The following CPNE4 variants were observed in gnomAD, a reference collection of about 807,000 sequenced individuals.
The protein encoded by CPNE4 is copine-4.
A neutral mutation model predicts 67.9 loss-of-function variants in CPNE4; 25 were observed. The observed-to-expected ratio is 0.37, with a 90% CI of 0.27 to 0.51. The LOEUF (loss-of-function observed/expected upper bound fraction) is 0.51. Ranked by LOEUF, CPNE4 falls within the 20% of genes least tolerant of loss-of-function variation. CPNE4 has a pLI of 0.93. For synonymous variants in CPNE4, 242 were observed against 244.9 expected, an observed-to-expected ratio of 0.99 and a Z score of 0.11; for missense variants, 464 against 690.8, an observed-to-expected ratio of 0.67 and a Z score of 3.68.
chr3:131,876,187 C>T (rs2087437325), intron 2 of CPNE4, among the ~76,000 whole-genome samples: 2 of 151,160 alleles, frequency 1.3e-5, no homozygotes, highest in African/African-American at 4.9e-5. Flanking sequence ...TACAGTGAGC[C>T]GAGATGGCAC....
At chr3:131,910,519 GGTCTCAGCTGGA>G (rs2088937737) in intron 1 of CPNE4, among the ~76,000 whole-genome samples, 1 of 152,168 alleles carries the variant, frequency 6.6e-6, no homozygotes, top group Non-Finnish European at 1.5e-5. Context: ...GCAAAGAAGT[GGTCTCAGCTGGA>G]GTACAGCTTC....
intron 1 of CPNE4, among the ~76,000 whole-genome samples, chr3:131,940,360 C>T (rs1383202598): frequency 6.6e-6 from 1 of 151,944 alleles, no homozygotes; most frequent in Non-Finnish European, 1.5e-5. Flanking sequence ...ATAATAGTGG[C>T]CCTCTCTGAG....
intron 1 of CPNE4, among the ~76,000 whole-genome samples, chr3:132,009,187 G>C (rs2073684842): frequency 6.6e-6 from 1 of 152,142 alleles, no homozygotes; most frequent in South Asian, 2.1e-4. Context: ...TGTGGCATAT[G>C]TCAGGGTCTG....
intron 1 of CPNE4, among the ~76,000 whole-genome samples, chr3:131,974,869 G>T (rs549859063): frequency 6.6e-6 from 1 of 152,088 alleles, no homozygotes; most frequent in African/African-American, 2.4e-5. Context: ...TTAGCCCGGC[G>T]TGGTGGTGCA....
chr3:132,028,532 G>A (rs2074165662), intron 1 of CPNE4, among the ~76,000 whole-genome samples: 1 of 152,110 alleles, frequency 6.6e-6, no homozygotes, highest in Non-Finnish European at 1.5e-5. Flanking sequence ...ATGGGGGAAG[G>A]GATAAGAGAT....
intron 2 of CPNE4, among the ~76,000 whole-genome samples, chr3:131,818,961 G>A (rs577452051): frequency 6.6e-6 from 1 of 152,090 alleles, no homozygotes; most frequent in Admixed American, 6.5e-5. Context: ...TTAGCCAGGT[G>A]TACTGGTGGG....
chr3:131,765,522 T>G (rs1157208200), intron 2 of CPNE4, among the ~76,000 whole-genome samples: 1 of 152,058 alleles, frequency 6.6e-6, no homozygotes, highest in Non-Finnish European at 1.5e-5. Context: ...AAAACCTGCC[T>G]TAAATTACCT....
intron 5 of CPNE4, among the ~76,000 whole-genome samples, chr3:131,695,631 G>A (rs944654748): frequency 5.3e-5 from 8 of 152,138 alleles, no homozygotes; most frequent in South Asian, 2.1e-4. Flanking sequence ...TGAAGGAGAA[G>A]GAGCATAACA....
intron 2 of CPNE4, among the ~76,000 whole-genome samples, chr3:131,776,676 C>A (rs2083298930): frequency 6.6e-6 from 1 of 152,142 alleles, no homozygotes; most frequent in Admixed American, 6.6e-5. Context: ...TGGAAACAAT[C>A]AGCATCTCCA....
chr3:131,680,142 GC>G (rs1222057316), intron 6 of CPNE4, among the ~76,000 whole-genome samples: 1 of 152,042 alleles, frequency 6.6e-6, no homozygotes, highest in African/African-American at 2.4e-5. Context: ...AGGATAGTTA[GC>G]TCTTCTTGCT....
chr3:131,606,698 A>C (rs1939528482), intron 7 of CPNE4, among the ~76,000 whole-genome samples: 1 of 152,122 alleles, frequency 6.6e-6, no homozygotes, highest in Non-Finnish European at 1.5e-5. Context: ...CCACTGGGCA[A>C]CCATCATATC....
chr3:131,729,439 A>C (rs2082077376), intron 2 of CPNE4, among the ~76,000 whole-genome samples: 1 of 152,182 alleles, frequency 6.6e-6, no homozygotes. Flanking sequence ...ATGAATCACC[A>C]AGCCACCAGA....
At chr3:131,548,656 G>A (rs1158017177) in intron 14 of CPNE4, among the ~76,000 whole-genome samples, 4 of 152,102 alleles carry the variant, frequency 2.6e-5, no homozygotes, top group Middle Eastern at 3.2e-3. Flanking sequence ...TATATTTGGT[G>A]TGTTTGTGGA....
chr3:131,954,368 A>G (rs780552703), intron 1 of CPNE4, among the ~76,000 whole-genome samples: 7 of 152,230 alleles, frequency 4.6e-5, no homozygotes, highest in Non-Finnish European at 8.8e-5. Flanking sequence ...ATAAATACAC[A>G]TATGCACACA....
intron 2 of CPNE4, among the ~76,000 whole-genome samples, chr3:131,849,589 C>G (rs1429320614): frequency 6.6e-6 from 1 of 152,116 alleles, no homozygotes; most frequent in African/African-American, 2.4e-5. Context: ...GGTATTACAA[C>G]TGGACATAAG....
intron 2 of CPNE4, among the ~76,000 whole-genome samples, chr3:131,743,703 G>A (rs1211815855): frequency 2.0e-5 from 3 of 151,924 alleles, no homozygotes; most frequent in African/African-American, 7.2e-5. Context: ...CTGTAAAATA[G>A]GAAGGGCTGG....
intron 2 of CPNE4, among the ~76,000 whole-genome samples, chr3:131,761,381 C>T (rs1325487193): frequency 6.6e-6 from 1 of 151,750 alleles, no homozygotes; most frequent in African/African-American, 2.4e-5. Flanking sequence ...AGCTACCATG[C>T]CTAACACTAT....
At chr3:131,575,309 A>G (rs1380496377) in intron 9 of CPNE4, among the ~76,000 whole-genome samples, 179 bp from the exon 10 acceptor site, 2 of 152,180 alleles carry the variant, frequency 1.3e-5, no homozygotes, top group Non-Finnish European at 2.9e-5. Context: ...GGAAAGCAAT[A>G]TTAATACAGA....
rs1322585457 is a variant in CPNE4 at position 131,792,778 on chromosome 3, G to C, written c.181-69153C>G. Among the ~76,000 whole-genome samples, 5 of 137,776 alleles carry C rather than the reference G, an allele frequency of 3.6e-5. No individual in the cohort carries two copies. In the South Asian group the frequency reaches 1.2e-3, roughly 32 times the overall value. The allele number at this position is 137,776 out of a possible 152,430, so 90.4% of individuals were successfully genotyped here. On this transcript the variant is annotated intron_variant, in intron 2 of 15. Coordinates refer to ENST00000429747, the MANE Select transcript of CPNE4 (RefSeq NM_130808.3). ...ATACACACACTATATATGTATATGT[G>C]TGTGTATATATGTATATATTGTATA...
Sources: gnomAD v4.1 joint callset for allele counts (sites outside exome capture counted in the v4.1 genomes callset) on GRCh38, gnomAD v4.1.1 for gene constraint, MANE v1.5 for transcripts, NCBI Gene and HGNC (gene_info 2026-07-23, HGNC 2026-07-21) for gene names.